The following PRIM2 variants were observed in gnomAD, a reference collection of about 807,000 sequenced individuals.
The protein encoded by PRIM2 is DNA primase subunit 2, also known as DNA primase large subunit.
Under a neutral mutation model 67.3 loss-of-function variants are expected in PRIM2, and 39 were observed. The observed-to-expected ratio is 0.58, with a 90% CI of 0.45 to 0.76. The LOEUF (loss-of-function observed/expected upper bound fraction) is 0.76. PRIM2 is among the 30% of genes least tolerant of loss of function. PRIM2 has a pLI of 0.00. For missense variants in PRIM2, 398 were observed against 598.7 expected, an observed-to-expected ratio of 0.66 and a Z score of 3.50; for synonymous variants, 143 against 198.7, an observed-to-expected ratio of 0.72 and a Z score of 2.36.
chr6:57,594,227 T>C (rs1203632945), intron 10 of PRIM2, among the ~76,000 whole-genome samples: 50 of 152,240 alleles, frequency 3.3e-4, no homozygotes, highest in Non-Finnish European at 1.5e-4. Context: ...TGGTTATTGG[T>C]TACTTGTGGA....
chr6:57,227,904 A>C, the PRIM2 span, among the ~76,000 whole-genome samples: 2 of 152,176 alleles, frequency 1.3e-5, no homozygotes, highest in Non-Finnish European at 2.9e-5. Context: ...TTGTGCTAAT[A>C]CTTGTGCATC....
chr6:57,239,545 G>A, the PRIM2 span, among the ~76,000 whole-genome samples: 1 of 151,938 alleles, frequency 6.6e-6, no homozygotes, highest in East Asian at 1.9e-4. Context: ...GACCAGCCTG[G>A]GCAACATGGC....
At chr6:57,389,821 A>C (rs932117629) in intron 7 of PRIM2, among the ~76,000 whole-genome samples, 2 of 152,094 alleles carry the variant, frequency 1.3e-5, no homozygotes, top group African/African-American at 4.8e-5. Flanking sequence ...AAATATAATT[A>C]ATTTTCTTGA....
the PRIM2 span, among the ~76,000 whole-genome samples, chr6:57,296,630 G>A: frequency 6.6e-6 from 1 of 151,820 alleles, no homozygotes; most frequent in Non-Finnish European, 1.5e-5. Context: ...TAGGGTGGTG[G>A]TAGGGGAGCA....
intron 9 of PRIM2, among the ~76,000 whole-genome samples, chr6:57,536,072 G>T (rs1431974944): frequency 0.01 from 1,562 of 152,250 alleles, 30 homozygotes; most frequent in South Asian, 0.071. Context: ...TAGAACCAAG[G>T]GAGGATATAG....
At chr6:57,318,645 C>G in intron 2 of PRIM2, 46 bp downstream of exon 2, 2 of 1,437,342 alleles carry the variant, frequency 1.4e-6, no homozygotes, top group Non-Finnish European at 1.9e-6. Flanking sequence ...GAGAAGCTCA[C>G]TTACCCTTTG....
intron 7 of PRIM2, among the ~76,000 whole-genome samples, chr6:57,387,173 A>G (rs1172232174): frequency 6.6e-6 from 1 of 152,098 alleles, no homozygotes; most frequent in African/African-American, 2.4e-5. Context: ...TATTCTCATT[A>G]TGTGTTTTCC....
Position 57,566,518 on chromosome 6 carries a change from C to G in PRIM2, c.1020+28893C>G, listed in dbSNP as rs1397998219. Among the ~76,000 whole-genome samples, 194 of 152,258 alleles carry G rather than the reference C, an allele frequency of 1.3e-3. 1 individual carries two copies. The highest frequency in any genetic ancestry group is 4.5e-3 in the African/African-American group (187 of 41,542). On this transcript the variant is annotated intron_variant, in intron 10 of 13. Transcript: ENST00000615550. ...GAGATCATATTTTTATTCCATTCTG[C>G]ACCTTAGTATTGAGTCTCAAAAAGG...
chr6:57,234,065 G>C, the PRIM2 span, among the ~76,000 whole-genome samples: 1 of 152,126 alleles, frequency 6.6e-6, no homozygotes, highest in Non-Finnish European at 1.5e-5. Flanking sequence ...TATGTGATAA[G>C]TAATTCTCAA....
chr6:57,533,140 G>A (rs1331182964), intron 9 of PRIM2, among the ~76,000 whole-genome samples: 1 of 151,856 alleles, frequency 6.6e-6, no homozygotes, highest in Non-Finnish European at 1.5e-5. Context: ...TGAATTTCAG[G>A]GGGAGAGGAC....
chr6:57,640,023 A>G (rs1370597828), intron 13 of PRIM2, among the ~76,000 whole-genome samples: 2 of 152,158 alleles, frequency 1.3e-5, no homozygotes, highest in African/African-American at 4.8e-5. Context: ...AGCACATCAA[A>G]AAGCTTATCT....
At chr6:57,520,006 G>T (rs1774578539) in intron 8 of PRIM2, among the ~76,000 whole-genome samples, 1 of 152,058 alleles carries the variant, frequency 6.6e-6, no homozygotes, top group South Asian at 2.1e-4. Context: ...GAACAAAACT[G>T]TTACATACCT....
At chr6:57,626,163 G>A (rs1776946678) in intron 12 of PRIM2, among the ~76,000 whole-genome samples, 1 of 152,256 alleles carries the variant, frequency 6.6e-6, no homozygotes, top group Non-Finnish European at 1.5e-5. Context: ...CAAAGCCAAA[G>A]ATGGGCAGGT....
At chr6:57,456,685 G>A (rs560210054) in intron 7 of PRIM2, among the ~76,000 whole-genome samples, 14 of 151,914 alleles carry the variant, frequency 9.2e-5, no homozygotes, top group African/African-American at 2.7e-4. Flanking sequence ...TTAGCCATTC[G>A]TCTAGTTTTT....
At chr6:57,403,062 C>T (rs1395314873) in intron 7 of PRIM2, among the ~76,000 whole-genome samples, 2 of 151,820 alleles carry the variant, frequency 1.3e-5, no homozygotes, top group Non-Finnish European at 2.9e-5. Flanking sequence ...AAAAACAAAG[C>T]TATTGGCAAT....
At chr6:57,295,798 A>G in the PRIM2 span, among the ~76,000 whole-genome samples, 1 of 152,170 alleles carries the variant, frequency 6.6e-6, no homozygotes, top group Non-Finnish European at 1.5e-5. Flanking sequence ...CTTCCTACAA[A>G]TCTTCCATTT....
chr6:57,269,444 G>A, the PRIM2 span, among the ~76,000 whole-genome samples: 1 of 152,088 alleles, frequency 6.6e-6, no homozygotes, highest in Non-Finnish European at 1.5e-5. Flanking sequence ...TTTGAGAAGT[G>A]TCTGTTCATG....
chr6:57,625,584 AG>A (rs1776935706), intron 12 of PRIM2, among the ~76,000 whole-genome samples: 1 of 152,150 alleles, frequency 6.6e-6, no homozygotes, highest in Non-Finnish European at 1.5e-5. Context: ...CTTTTAGAAA[AG>A]GTACTCTTGT....
chr6:57,463,116 A>G (rs1388899016), intron 7 of PRIM2, among the ~76,000 whole-genome samples: 2 of 152,196 alleles, frequency 1.3e-5, no homozygotes, highest in African/African-American at 4.8e-5. Flanking sequence ...GGGTGGTGGG[A>G]AAAGCACTGG....
Sources: gnomAD v4.1 joint callset for allele counts (sites outside exome capture counted in the v4.1 genomes callset) on GRCh38, gnomAD v4.1.1 for gene constraint, MANE v1.5 for transcripts, NCBI Gene and HGNC (gene_info 2026-07-23, HGNC 2026-07-21) for gene names.